ADGRV1: variants seen among roughly 807,000 people sequenced by gnomAD.
The protein encoded by ADGRV1 is adhesion G protein-coupled receptor V1.
Under a neutral mutation model 596.2 loss-of-function variants are expected in ADGRV1, and 359 were observed. The ratio of observed to expected loss-of-function variants is 0.60; its 90% CI spans 0.55 to 0.66. The LOEUF (loss-of-function observed/expected upper bound fraction) is 0.66, where lower values mean the gene tolerates loss of function less well. ADGRV1 is among the 30% of genes least tolerant of loss of function. The pLI, the probability that ADGRV1 is intolerant of heterozygous loss-of-function variation, is 0.00. For synonymous variants in ADGRV1, 2,681 were observed against 2,679.2 expected (o/e 1.00, Z -0.02); for missense variants, 7,274 against 7,575.6 (o/e 0.96, Z 1.48).
chr5:90,851,134 TGAGA>T (rs141999531), intron 79 of ADGRV1, among the ~76,000 whole-genome samples: 3,036 of 81,254 alleles, frequency 0.037, 97 homozygotes, highest in African/African-American at 0.083. Context: ...TGTGTGTGTG[TGAGA>T]GAGAGAGAGA....
chr5:90,672,652 T>A lies in ADGRV1; in HGVS notation c.4859T>A (p.Ile1620Asn). 1 of 1,613,710 alleles carries A rather than the reference T, an allele frequency of 6.2e-7. No individual in the cohort carries two copies. Among genetic ancestry groups the A allele is most frequent in the Non-Finnish European group, 8.5e-7 (1 of 1,179,658 alleles). ...ATTTCACAGATTGAAACTGATGGCA[T>A]TAATTACCTTGTTGATGACTTTGCT... ...YTISQIETDG[I>N]NYLVDDFANA... Residue 1620 changes from isoleucine to asparagine, a missense_variant, in exon 22 of 90, where the codon ATT becomes AAT. By Grantham distance (149) the Ile-to-Asn change is moderately radical. Around this residue, in one of 5 missense-constraint regions of ADGRV1, gnomAD observed 3,643 missense variants for 3,809.2 expected, o/e 0.96. Coordinates refer to ENST00000405460, the MANE Select transcript of ADGRV1 (RefSeq NM_032119.4).
At chr5:90,716,796 G>T in intron 43 of ADGRV1, 67 bp downstream of exon 43, 2 of 1,255,266 alleles carry the variant, frequency 1.6e-6, no homozygotes, top group Non-Finnish European at 2.2e-6. Context: ...ATTTCTCTTA[G>T]ATGAGCACTC....
intron 21 of ADGRV1, among the ~76,000 whole-genome samples, chr5:90,666,393 T>A (rs1043092073): frequency 6.6e-6 from 1 of 152,136 alleles, no homozygotes; most frequent in African/African-American, 2.4e-5. Context: ...TCTTTTGATC[T>A]TTGTTGGTTT....
At chr5:90,896,894 C>T (rs1252470762) in intron 83 of ADGRV1, among the ~76,000 whole-genome samples, 3 of 152,198 alleles carry the variant, frequency 2.0e-5, no homozygotes, top group Non-Finnish European at 4.4e-5. Flanking sequence ...AGGGGCCTAT[C>T]AGGCTGGATG....
chr5:90,907,077 C>G (rs1175182187), intron 83 of ADGRV1, among the ~76,000 whole-genome samples: 1 of 152,082 alleles, frequency 6.6e-6, no homozygotes, highest in African/African-American at 2.4e-5. Flanking sequence ...TGAAATATAA[C>G]TCAGGAATAG....
At position 90,637,747 on chromosome 5, in the gene ADGRV1, A is replaced by T. The variant is rs547076322; in HGVS notation, c.2039A>T (p.Asp680Val). The change falls in exon 11 of 90, where the codon GAT (aspartate) becomes GTT (valine). Residue 680 changes from aspartate (D) to valine (V), a missense_variant. Physicochemically the swap from Asp to Val is radical, Grantham distance 152. Coordinates refer to ENST00000405460, the MANE Select transcript of ADGRV1 (RefSeq NM_032119.4). ...AAGGTATACATTCCCTTACATCGGG[A>T]TGGAACTGATGGCCAGGCTACTGTC... Reference protein sequence around the residue: ...AEVVYIPLHRDGTDGQATVYW... With the variant: ...AEVVYIPLHRVGTDGQATVYW... The T allele has an allele frequency of 2.5e-6, 4 of 1,612,382 alleles. No individual in the cohort carries two copies. The highest frequency in any genetic ancestry group is 2.7e-5 in the African/African-American group (2 of 74,850).
In ADGRV1 at chr5:90,815,665, G is replaced by C. The variant is rs754927479; in HGVS notation, c.16125G>C (p.Gln5375His). Residue 5375 changes from glutamine to histidine, a missense_variant, in exon 75 of 90, where the codon CAG becomes CAC. By Grantham distance (24) the Gln-to-His change is conservative. Around this residue, in one of 5 missense-constraint regions of ADGRV1, gnomAD observed 1,874 missense variants for 1,970.2 expected, o/e 0.95. Transcript: ENST00000405460. The stretch of plus-strand genomic sequence containing the variant: ...TCATAGGATTCAGTGAGGAGTCCCA[G>C]AGTGGACTAGAACTCAGGGAAGGAG... ...NGIIGFSEES[Q>H]SGLELREGAV... 8 of 1,580,156 alleles carry C rather than the reference G, an allele frequency of 5.1e-6. No individual in the cohort carries two copies. The highest frequency in any genetic ancestry group is 1.3e-5 in the African/African-American group (1 of 74,278).
chr5:90,642,495 C>G (rs1767095518), intron 11 of ADGRV1, 141 bp from the exon 12 acceptor site: 2 of 780,532 alleles, frequency 2.6e-6, no homozygotes, highest in South Asian at 4.2e-5. Flanking sequence ...TTTCAACACA[C>G]GTGAATTCAC....
In ADGRV1 at chr5:90,949,118, C is replaced by T. The variant is rs188407633; in HGVS notation, c.17857-16297C>T. 5.3e-5 allele frequency among the ~76,000 whole-genome samples: 8 copies of T among 152,090 alleles called. No individual in the cohort carries two copies. In the East Asian group the frequency reaches 1.2e-3, roughly 22 times the overall value. On this transcript the variant is annotated intron_variant, in intron 83 of 89. Transcript: ENST00000405460. Reference sequence around the variant, plus strand: ...CTCACAGATACTTGTTAAGAGAAACCGGGCAGGAAATAGCACATACTACAT... The same window carrying T: ...CTCACAGATACTTGTTAAGAGAAACTGGGCAGGAAATAGCACATACTACAT...
At chr5:90,736,655 G>T (rs1167683996) in intron 50 of ADGRV1, among the ~76,000 whole-genome samples, 1 of 151,118 alleles carries the variant, frequency 6.6e-6, no homozygotes, top group Non-Finnish European at 1.5e-5. Context: ...ACTCATTATT[G>T]ATCTGCTTAG....
intron 85 of ADGRV1, among the ~76,000 whole-genome samples, chr5:91,066,671 C>T (rs1787909488): frequency 6.6e-6 from 1 of 152,224 alleles, no homozygotes; most frequent in African/African-American, 2.4e-5. Flanking sequence ...CATTTGTTAT[C>T]TGCACCATGG....
chr5:90,837,418 T>C (rs1765064816), intron 77 of ADGRV1, among the ~76,000 whole-genome samples: 1 of 151,298 alleles, frequency 6.6e-6, no homozygotes, highest in Non-Finnish European at 1.5e-5. Context: ...TCGCCCTGGC[T>C]GGAGTGCAAT....
chr5:90,559,526 T>G (rs1754536080), intron 1 of ADGRV1, among the ~76,000 whole-genome samples: 1 of 152,126 alleles, frequency 6.6e-6, no homozygotes, highest in South Asian at 2.1e-4. Flanking sequence ...TCAAAATTGA[T>G]TTTTTTCTTA....
At chr5:91,121,025 T>C (rs182858459) in intron 87 of ADGRV1, among the ~76,000 whole-genome samples, 302 of 152,092 alleles carry the variant, frequency 2.0e-3, no homozygotes, top group Admixed American at 4.6e-3. Context: ...AATACAAAAA[T>C]TAGCCTGGCA....
intron 87 of ADGRV1, among the ~76,000 whole-genome samples, chr5:91,126,992 G>A (rs1344801302): frequency 6.6e-6 from 1 of 152,174 alleles, no homozygotes; most frequent in Non-Finnish European, 1.5e-5. Flanking sequence ...ATAGACTACA[G>A]TTCCTTGTTT....
At chr5:91,114,050 C>G (rs529213128) in intron 87 of ADGRV1, among the ~76,000 whole-genome samples, 1 of 152,044 alleles carries the variant, frequency 6.6e-6, no homozygotes. Flanking sequence ...AACCCCATCT[C>G]TACTAAAAAT....
intron 50 of ADGRV1, among the ~76,000 whole-genome samples, chr5:90,732,407 A>G (rs1752669431): frequency 6.6e-6 from 1 of 152,208 alleles, no homozygotes; most frequent in Non-Finnish European, 1.5e-5. Context: ...AATGATATGT[A>G]TTTCCTCAAT....
chr5:91,035,705 A>G (rs1784802842), intron 85 of ADGRV1, among the ~76,000 whole-genome samples: 1 of 151,268 alleles, frequency 6.6e-6, no homozygotes, highest in Non-Finnish European at 1.5e-5. Context: ...ATCTTCCTCT[A>G]TCACTTACTA....
intron 83 of ADGRV1, among the ~76,000 whole-genome samples, chr5:90,903,587 A>C (rs924063531): frequency 2.6e-4 from 40 of 152,080 alleles, no homozygotes; most frequent in African/African-American, 8.7e-4. Flanking sequence ...CCAACAGGCA[A>C]GCAGATCAGG....
Sources: allele counts gnomAD v4.1 joint callset (sites outside exome capture counted in the v4.1 genomes callset), GRCh38; gene constraint gnomAD v4.1.1; regional missense constraint gnomAD v4.1.1; transcripts MANE v1.5; gene names NCBI Gene and HGNC (gene_info 2026-07-23, HGNC 2026-07-21).